Variants in SAMD4B observed in about 807,000 individuals in gnomAD.
The protein encoded by SAMD4B is protein Smaug homolog 2.
Under a neutral mutation model 74.5 loss-of-function variants are expected in SAMD4B, and 5 were observed. The ratio of observed to expected loss-of-function variants is 0.07; its 90% CI spans 0.04 to 0.14. The LOEUF is 0.14. SAMD4B is among the 10% of genes least tolerant of loss of function. The pLI is 1.00. For missense variants in SAMD4B, 608 were observed against 921.8 expected, an observed-to-expected ratio of 0.66 and a Z score of 4.41; for synonymous variants, 373 against 374.9, an observed-to-expected ratio of 1.00 and a Z score of 0.06.
chr19:39,357,729 G>A (rs1163044428), intron 3 of SAMD4B, among the ~76,000 whole-genome samples: 1 of 152,148 alleles, frequency 6.6e-6, no homozygotes, highest in East Asian at 1.9e-4. Context: ...AGCTACTCTA[G>A]CTGTCTGGGC....
At chr19:39,388,287 G>C (rs2078297283), downstream of SAMD4B, 2 of 1,603,620 alleles carry the variant, frequency 1.2e-6, no homozygotes, top group African/African-American at 1.3e-5. Context: ...GCATGCCCCA[G>C]GGTCTTAAGA....
chr19:39,358,864 G>T (rs2076487587), intron 3 of SAMD4B, among the ~76,000 whole-genome samples: 1 of 152,196 alleles, frequency 6.6e-6, no homozygotes, highest in Admixed American at 6.5e-5. Flanking sequence ...CCACACAGCT[G>T]CCTGGCCTCC....
rs1352504884 is a variant in SAMD4B at position 39,383,672 on chromosome 19, T to C, written c.*145T>C. ...TTCTACTCTCTTACCCTCTTAACTT[T>C]TGTTTAACATTGGCACATGCCTTGC... On this transcript the variant is annotated 3_prime_UTR_variant, in exon 14 of 14. Transcript: ENST00000610417. This position sits in a 1 kb window ranked among gnomAD's most constrained non-coding sequence, Gnocchi z 4.1. 1.9e-6 allele frequency: 3 copies of C among 1,563,570 alleles called. No individual in the cohort carries two copies. The highest frequency in any genetic ancestry group is 3.3e-4 in the Middle Eastern group (2 of 5,986).
chr19:39,383,236 G>A lies in SAMD4B; in HGVS notation c.2001G>A (p.Glu667=). The A allele has an allele frequency of 1.9e-6, 3 of 1,614,098 alleles. No individual in the cohort carries two copies. The highest frequency in any genetic ancestry group is 2.2e-5 in the South Asian group (2 of 91,066). The change falls in exon 13 of 14, where the codon GAG becomes GAA. Residue 667 remains glutamate (E), a synonymous_variant. Coordinates refer to ENST00000610417, the MANE Select transcript of SAMD4B (RefSeq NM_001384574.2). The surrounding 1 kb of genome is among the most constrained non-coding windows in gnomAD (Gnocchi z 4.1). ...GCCCGGTTCCTGGGCCTGACCTGGA[G>A]ATCAATCCCACTCTGGAGTCTCTGT... is the stretch of plus-strand genomic sequence containing the variant. ...PDCPVPGPDL[E]INPTLESLCL...
intron 10 of SAMD4B, 75 bp from the exon 11 acceptor site, chr19:39,380,512 G>T: frequency 6.8e-7 from 1 of 1,481,182 alleles, no homozygotes; most frequent in Non-Finnish European, 9.4e-7. Context: ...TGGGGTTGTT[G>T]GGGAAGGTGA....
chr19:39,359,273 G>A lies in SAMD4B; in HGVS notation c.196+2184G>A, dbSNP rs1309353128. On this transcript the variant is annotated intron_variant, in intron 3 of 13. Coordinates refer to ENST00000610417, the MANE Select transcript of SAMD4B (RefSeq NM_001384574.2). Reference sequence around the variant, plus strand: ...GGATTACCTCTGGGTGCCACTCTTAGCTGTATATCAGAATCACCAGTAGTA... The same window carrying A: ...GGATTACCTCTGGGTGCCACTCTTAACTGTATATCAGAATCACCAGTAGTA... 2.0e-5 allele frequency among the ~76,000 whole-genome samples: 3 copies of A among 152,212 alleles called. No individual in the cohort carries two copies. The South Asian group carries it at 6.2e-4, about 31-fold the overall frequency.
rs1322672925 is a variant in SAMD4B, at chr19:39,383,637, T to G, written c.*110T>G. On this transcript the variant is annotated 3_prime_UTR_variant, in exon 14 of 14. Transcript: ENST00000610417. This position sits in a 1 kb window ranked among gnomAD's most constrained non-coding sequence, Gnocchi z 4.1. ...AGGGTGGGCTGGCTCAGCTATATAT[T>G]CTAATATTTTTCTACTCTCTTACCC... 4.2e-5 allele frequency: 67 copies of G among 1,608,206 alleles called. No homozygotes were observed. Among genetic ancestry groups the G allele is most frequent in the Non-Finnish European group, 5.5e-5 (65 of 1,178,002 alleles).
In SAMD4B at chr19:39,378,374, A is replaced by G; in HGVS notation, c.1445-130A>G. ...TCATGATAACCCAAATACCATGGCT[A>G]GCACTTAATAGTTGATATTCATCCA... On this transcript the variant is annotated intron_variant, in intron 8 of 13. Transcript: ENST00000610417. The surrounding 1 kb of genome is among the most constrained non-coding windows in gnomAD (Gnocchi z 4.4). 2.8e-6 allele frequency: 2 copies of G among 714,556 alleles called. No homozygotes were observed. Among genetic ancestry groups the G allele is most frequent in the Non-Finnish European group, 4.9e-6 (2 of 408,878 alleles). The allele number at this position is 714,556 out of a possible 1,614,324, so 44.3% of individuals were successfully genotyped here. A position where few individuals can be genotyped will look rare whatever the true frequency, so the allele number is the denominator to read the frequency against.
downstream of SAMD4B, chr19:39,390,355 T>C (rs770084728): frequency 1.6e-5 from 24 of 1,464,414 alleles, no homozygotes; most frequent in East Asian, 2.4e-5. Flanking sequence ...TGAAAAAGGC[T>C]TCCCCAACCT....
At chr19:39,387,182 T>C, downstream of SAMD4B, 1 of 434,294 alleles carries the variant, frequency 2.3e-6, no homozygotes, top group Non-Finnish European at 4.6e-6. Context: ...GTGTAGCCTA[T>C]TGCTCCTAGG....
At position 39,378,535 on chromosome 19, in the gene SAMD4B, C is replaced by T. The variant is rs768198367; in HGVS notation, c.1476C>T (p.Asp492=). The T allele has an allele frequency of 1.4e-5, 23 of 1,613,924 alleles. No individual in the cohort carries two copies. The highest frequency in any genetic ancestry group is 8.0e-5 in the African/African-American group (6 of 74,916). The part of the protein sequence containing the change: ...VCTQLLVSRP[D]EENITSYLQL... ...CCCAACTGCTGGTGTCCCGACCAGA[C>T]GAGGAGAACATCACCAGTTACCTCC... The change falls in exon 9 of 14, where the codon GAC becomes GAT. Residue 492 remains aspartate (D), a synonymous_variant. Transcript: ENST00000610417. The surrounding 1 kb of genome is among the most constrained non-coding windows in gnomAD (Gnocchi z 4.4).
In SAMD4B at chr19:39,368,135, A is replaced by G. The variant is rs922803585; in HGVS notation, c.197-1520A>G. Among the ~76,000 whole-genome samples the G allele has an allele frequency of 2.0e-5, 3 of 151,766 alleles. No homozygotes were observed. In the East Asian group the frequency reaches 5.9e-4, roughly 30 times the overall value. ...AGGCTGAGGCAGTAGAATGGCATGA[A>G]CTCAGAAGGTGGAGCTTGCAGTGAG... On this transcript the variant is annotated intron_variant, in intron 3 of 13. Coordinates refer to ENST00000610417, the MANE Select transcript of SAMD4B (RefSeq NM_001384574.2).
downstream of SAMD4B, chr19:39,386,856 C>G: frequency 8.5e-7 from 1 of 1,175,346 alleles, no homozygotes; most frequent in Non-Finnish European, 1.3e-6. The surrounding 1 kb of genome is among the most constrained non-coding windows in gnomAD (Gnocchi z 6.1). Context: ...GACACACCTC[C>G]CACTTCCCCG....
At position 39,342,442 on chromosome 19, in the gene SAMD4B, ACGG is replaced by A. The variant is rs920214608; in HGVS notation, c.-379_-377del. On this transcript the variant is annotated 5_prime_UTR_variant, in exon 1 of 14. Coordinates refer to ENST00000610417, the MANE Select transcript of SAMD4B (RefSeq NM_001384574.2). ...ACGCACGGCGCGGTGACGCAGCGCG[ACGG>A]CGGCGGCGGCGGCGGCGGCGGTGGT... The A allele has an allele frequency of 2.0e-3, 352 of 176,256 alleles. No homozygotes were observed. The highest frequency in any genetic ancestry group is 1.0e-2 in the Middle Eastern group (4 of 402). The allele number at this position is 176,256 out of a possible 1,614,324, so 10.9% of individuals were successfully genotyped here.
At chr19:39,363,126 C>T (rs541326666) in intron 3 of SAMD4B, among the ~76,000 whole-genome samples, 2 of 152,102 alleles carry the variant, frequency 1.3e-5, no homozygotes, top group Admixed American at 6.6e-5. Flanking sequence ...AGAGCAGTCT[C>T]GATTGGTGCC....
intron 12 of SAMD4B, among the ~76,000 whole-genome samples, chr19:39,381,741 G>A (rs2077998211): frequency 6.6e-6 from 1 of 152,138 alleles, no homozygotes; most frequent in Non-Finnish European, 1.5e-5. Flanking sequence ...GACCAGTCTG[G>A]ACAACATGGC....
At chr19:39,362,354 C>T (rs2076706409) in intron 3 of SAMD4B, among the ~76,000 whole-genome samples, 1 of 152,126 alleles carries the variant, frequency 6.6e-6, no homozygotes. Context: ...TGTTGTGTGA[C>T]CTACTAGAAG....
intron 3 of SAMD4B, 194 bp from the exon 4 acceptor site, chr19:39,369,461 G>A (rs1271978599): frequency 8.4e-6 from 5 of 594,914 alleles, no homozygotes; most frequent in East Asian, 2.8e-5. Context: ...AAAAAAATAA[G>A]ACAAAAATTA....
intron 11 of SAMD4B, 91 bp downstream of exon 11, chr19:39,380,876 C>G: frequency 6.6e-7 from 1 of 1,513,566 alleles, no homozygotes; most frequent in East Asian, 2.3e-5. Flanking sequence ...GTGTCTGGAC[C>G]CAGCTTAGAG....
Sources: allele counts gnomAD v4.1 joint callset (sites outside exome capture counted in the v4.1 genomes callset), GRCh38; gene constraint gnomAD v4.1.1; non-coding constraint Gnocchi (gnomAD v3.1); transcripts MANE v1.5; gene names NCBI Gene and HGNC (gene_info 2026-07-23, HGNC 2026-07-21).